SWT1: variants seen among roughly 807,000 people sequenced by gnomAD.
SWT1 encodes the protein transcriptional protein SWT1.
A neutral mutation model predicts 107.3 loss-of-function variants in SWT1; 33 were observed. The observed-to-expected ratio is 0.31, with a 90% confidence interval of 0.23 to 0.41. The LOEUF is 0.41. Ranked by LOEUF, SWT1 falls within the 10% of genes least tolerant of loss-of-function variation. The pLI, the probability that SWT1 is intolerant of heterozygous loss-of-function variation, is 1.00. For synonymous variants in SWT1, 345 were observed against 348.3 expected (o/e 0.99, Z 0.11); for missense variants, 898 against 1,028.9 (o/e 0.87, Z 1.74).
At chr1:185,171,884 C>A (rs1313771828) in intron 4 of SWT1, among the ~76,000 whole-genome samples, 2 of 152,130 alleles carry the variant, frequency 1.3e-5, no homozygotes, top group Non-Finnish European at 2.9e-5. Context: ...GCACTTCAGC[C>A]TGGGTGATAG....
intron 1 of SWT1, among the ~76,000 whole-genome samples, chr1:185,158,728 T>C (rs1045826072): frequency 2.0e-5 from 3 of 152,198 alleles, no homozygotes; most frequent in Non-Finnish European, 4.4e-5. Context: ...ATCGTCAATG[T>C]TTGAAGAATT....
chr1:185,288,363 G>C lies in SWT1; in HGVS notation c.2574-2311G>C, dbSNP rs1665066647. 2.0e-5 allele frequency among the ~76,000 whole-genome samples: 3 copies of C among 152,172 alleles called. No individual in the cohort carries two copies. The South Asian group carries it at 6.2e-4, about 31-fold the overall frequency. Reference sequence around the variant, plus strand: ...TGAGTTGCTAGGATTACAGATGTGAGCCACCCAAAAGTCAGGCTTTAATCA... The same window carrying C: ...TGAGTTGCTAGGATTACAGATGTGACCCACCCAAAAGTCAGGCTTTAATCA... On this transcript the variant is annotated intron_variant, in intron 18 of 18. Coordinates refer to ENST00000367500, the MANE Select transcript of SWT1 (RefSeq NM_017673.7).
intron 10 of SWT1, among the ~76,000 whole-genome samples, chr1:185,200,095 T>G (rs995716295): frequency 1.3e-5 from 2 of 152,112 alleles, no homozygotes; most frequent in African/African-American, 2.4e-5. Flanking sequence ...TCAGCTCCAT[T>G]AGGTCATTTA....
intron 16 of SWT1, among the ~76,000 whole-genome samples, chr1:185,251,798 A>T (rs11804662): frequency 0.13 from 18,470 of 146,858 alleles, 1,325 homozygotes; most frequent in Admixed American, 0.2. Flanking sequence ...ATATATATAT[A>T]TTTTTTTTAT....
rs377426660 is a variant in SWT1 at position 185,168,360 on chromosome 1, T to C, written c.186T>C (p.Val62=). Residue 62 remains valine, a synonymous_variant, in exon 4 of 19, where the codon GTT becomes GTC. Coordinates refer to ENST00000367500, the MANE Select transcript of SWT1 (RefSeq NM_017673.7). ...TTCAGAAATCAGATCATACAGATGT[T>C]CTGTACTATAATATAAAAAGAAGAC... The part of the protein sequence containing the change: ...KRKLKSDHTD[V]LYYNIKRRQG... The C allele has an allele frequency of 1.5e-6, 2 of 1,357,768 alleles. No individual in the cohort carries two copies. Among genetic ancestry groups the C allele is most frequent in the African/African-American group, 1.6e-5 (1 of 62,866 alleles). 84.1% of individuals were successfully genotyped at this position (1,357,768 alleles called of 1,614,324 possible).
intron 10 of SWT1, among the ~76,000 whole-genome samples, chr1:185,200,418 C>T (rs1657774368): frequency 6.6e-6 from 1 of 152,122 alleles, no homozygotes; most frequent in African/African-American, 2.4e-5. Context: ...TGGTGACCTT[C>T]AGATAGGGTT....
intron 5 of SWT1, among the ~76,000 whole-genome samples, chr1:185,177,192 T>C (rs1488901912): frequency 6.6e-6 from 1 of 152,198 alleles, no homozygotes; most frequent in Non-Finnish European, 1.5e-5. Context: ...CAGTTTTTCT[T>C]CTTGTGTTAT....
chr1:185,211,421 T>C (rs1658795682), intron 13 of SWT1, among the ~76,000 whole-genome samples: 1 of 152,200 alleles, frequency 6.6e-6, no homozygotes, highest in Non-Finnish European at 1.5e-5. Flanking sequence ...TCTATTTTTA[T>C]AAGTTACCAA....
At chr1:185,199,489 A>G (rs1375532651) in intron 10 of SWT1, among the ~76,000 whole-genome samples, 1 of 152,070 alleles carries the variant, frequency 6.6e-6, no homozygotes, top group Non-Finnish European at 1.5e-5. Context: ...AAAGGATTTT[A>G]TTTCTCCTTC....
chr1:185,219,299 C>T (rs1428669875), intron 14 of SWT1, among the ~76,000 whole-genome samples: 1 of 152,122 alleles, frequency 6.6e-6, no homozygotes, highest in Non-Finnish European at 1.5e-5. Context: ...AGTTAATTAA[C>T]CTTTCTATGC....
intron 11 of SWT1, among the ~76,000 whole-genome samples, chr1:185,204,169 T>G (rs532911805): frequency 2.2e-4 from 33 of 152,248 alleles, no homozygotes; most frequent in African/African-American, 7.7e-4. Context: ...TGCCAGCTAC[T>G]CGGGGTGCTG....
intron 10 of SWT1, among the ~76,000 whole-genome samples, chr1:185,191,766 TA>T (rs546862239): frequency 6.4e-4 from 98 of 152,304 alleles, no homozygotes; most frequent in Middle Eastern, 3.4e-3. Context: ...GTTATGTAAT[TA>T]TTTTTTTAGT....
At chr1:185,158,257 A>G (rs762001057) in intron 1 of SWT1, among the ~76,000 whole-genome samples, 2 of 152,054 alleles carry the variant, frequency 1.3e-5, no homozygotes, top group African/African-American at 2.4e-5. Context: ...TAAGAAGTAT[A>G]TATCTGGAGG....
chr1:185,202,352 T>C (rs552182405), intron 10 of SWT1, among the ~76,000 whole-genome samples: 1 of 152,308 alleles, frequency 6.6e-6, no homozygotes, highest in Admixed American at 6.5e-5. Context: ...GGTGTAACTT[T>C]GGACAAGTTA....
intron 18 of SWT1, among the ~76,000 whole-genome samples, chr1:185,278,498 T>G (rs1664399938): frequency 6.6e-6 from 1 of 152,170 alleles, no homozygotes; most frequent in Non-Finnish European, 1.5e-5. Flanking sequence ...GTCTAAGATG[T>G]CCCTCTAATT....
chr1:185,198,303 C>T (rs530986467), intron 10 of SWT1, among the ~76,000 whole-genome samples: 1 of 152,100 alleles, frequency 6.6e-6, no homozygotes, highest in Admixed American at 6.6e-5. Flanking sequence ...GTCTGAGAGA[C>T]TTGTTTATTA....
chr1:185,196,413 G>A (rs1032941612), intron 10 of SWT1, among the ~76,000 whole-genome samples: 1 of 152,154 alleles, frequency 6.6e-6, no homozygotes, highest in African/African-American at 2.4e-5. Flanking sequence ...TTGAAGTCAG[G>A]TAATGTGATG....
chr1:185,287,478 G>A (rs1317941053), intron 18 of SWT1, among the ~76,000 whole-genome samples: 4 of 152,152 alleles, frequency 2.6e-5, no homozygotes, highest in Non-Finnish European at 4.4e-5. Flanking sequence ...AGAGGAAGAA[G>A]GGAAAGAGAG....
At chr1:185,167,365 C>T (rs534120397) in intron 3 of SWT1, among the ~76,000 whole-genome samples, 18 of 152,274 alleles carry the variant, frequency 1.2e-4, no homozygotes, top group African/African-American at 4.1e-4. Context: ...AAACACAATA[C>T]GCTAATCCAT....
Sources: gnomAD v4.1 joint callset for allele counts (sites outside exome capture counted in the v4.1 genomes callset) on GRCh38, gnomAD v4.1.1 for gene constraint, MANE v1.5 for transcripts, NCBI Gene and HGNC (gene_info 2026-07-23, HGNC 2026-07-21) for gene names.